Variants in SNRPN observed in about 807,000 individuals in gnomAD.
SNRPN encodes the protein small nuclear ribonucleoprotein polypeptide N, also known as small nuclear ribonucleoprotein-associated protein N.
In SNRPN, 7 loss-of-function variants were observed where a neutral mutation model predicts 25.2. That is an observed-to-expected ratio of 0.28 (90% confidence interval 0.16 to 0.52). The LOEUF is 0.52. Among genes scored for constraint, SNRPN ranks in the 20% least tolerant of loss-of-function variants. SNRPN has a pLI of 0.96. For synonymous variants in SNRPN, 124 were observed against 110.6 expected (o/e 1.12, Z -0.76); for missense variants, 196 against 322.5 (o/e 0.61, Z 3.00).
upstream of SNRPN, among the ~76,000 whole-genome samples, chr15:24,954,463 A>T (rs904429592): frequency 6.6e-6 from 1 of 152,202 alleles, no homozygotes; most frequent in Non-Finnish European, 1.5e-5. Context: ...CCCCCTCAAA[A>T]TGTAGAAAGT....
chr15:24,972,478 C>G (rs1383996911), intron 3 of SNRPN, among the ~76,000 whole-genome samples: 5 of 150,352 alleles, frequency 3.3e-5, no homozygotes, highest in African/African-American at 1.2e-4. Context: ...TTATTTAATA[C>G]ATTTTTTAAT....
chr15:24,924,506 C>A (rs2060253630), intron 3 of SNRPN, among the ~76,000 whole-genome samples: 2 of 152,038 alleles, frequency 1.3e-5, no homozygotes, highest in African/African-American at 4.8e-5. Context: ...TCAGAGAAAA[C>A]CTCTGCCTGT....
At chr15:24,953,114 G>A (rs1216075650), upstream of SNRPN, among the ~76,000 whole-genome samples, 2 of 152,124 alleles carry the variant, frequency 1.3e-5, no homozygotes, top group East Asian at 3.9e-4. Flanking sequence ...ATTGTATAAA[G>A]TAAACAGAAT....
At chr15:24,847,195 T>C (rs1052706446) in intron 2 of SNRPN, among the ~76,000 whole-genome samples, 1 of 152,088 alleles carries the variant, frequency 6.6e-6, no homozygotes, top group African/African-American at 2.4e-5. Context: ...CACTGTGGTT[T>C]GAGGAATGAG....
chr15:24,913,457 A>G (rs551575610), intron 2 of SNRPN, among the ~76,000 whole-genome samples: 1 of 152,238 alleles, frequency 6.6e-6, no homozygotes, highest in South Asian at 2.1e-4. Context: ...AGCCTGGCCA[A>G]CATGGTGAAA....
At chr15:24,862,746 C>A (rs1000793448) in intron 1 of SNRPN, among the ~76,000 whole-genome samples, 2 of 150,662 alleles carry the variant, frequency 1.3e-5, no homozygotes, top group African/African-American at 5.0e-5. Flanking sequence ...ATGGGATGGA[C>A]AAGGGGGGCC....
intron 2 of SNRPN, among the ~76,000 whole-genome samples, chr15:24,837,916 T>C (rs2051355734): frequency 6.6e-6 from 1 of 150,992 alleles, no homozygotes; most frequent in Non-Finnish European, 1.5e-5. Flanking sequence ...AGAGACAGGG[T>C]TTCACCATGT....
chr15:24,977,377 C>T (rs576294884), intron 7 of SNRPN, among the ~76,000 whole-genome samples: 21 of 152,100 alleles, frequency 1.4e-4, no homozygotes, highest in Non-Finnish European at 2.1e-4. Context: ...CAGTGGCTTA[C>T]GCCTGTAATC....
chr15:24,967,318 A>G (rs1459244881), intron 2 of SNRPN: 1 of 153,354 alleles, frequency 6.5e-6, no homozygotes, highest in Non-Finnish European at 1.4e-5. Context: ...AATTTCTCAT[A>G]AGATAGTGTC....
At chr15:24,834,728 C>CTCTCTCTCTCTCTCTCTCTCTCT (rs2050864758) in intron 2 of SNRPN, among the ~76,000 whole-genome samples, 3 of 42,806 alleles carry the variant, frequency 7.0e-5, no homozygotes, top group Non-Finnish European at 8.9e-5. Flanking sequence ...TCTCTCTCTC[C>CTCTCTCTCTCTCTCTCTCTCTCT]CTCTCTCTCT....
At chr15:24,880,447 T>A (rs1595659021) in intron 1 of SNRPN, among the ~76,000 whole-genome samples, 1 of 152,058 alleles carries the variant, frequency 6.6e-6, no homozygotes. Context: ...GATAAGTGAG[T>A]GGTAAAAATT....
intron 2 of SNRPN, among the ~76,000 whole-genome samples, chr15:24,834,115 G>A (rs949975145): frequency 3.3e-5 from 5 of 152,016 alleles, no homozygotes; most frequent in Admixed American, 2.6e-4. Flanking sequence ...TAGTAGAGAC[G>A]GGGTTTCACC....
In SNRPN at chr15:24,928,435, A is replaced by T. The variant is rs556359414; in HGVS notation, c.-391+8311A>T. The stretch of plus-strand genomic sequence containing the variant: ...GATCTGGACATTCACAGCAGCATGG[A>T]TGGAACTGGAGGACATTATGTTAAA... On this transcript the variant is annotated intron_variant, in intron 3 of 11. Transcript: ENST00000400097. Among the ~76,000 whole-genome samples, 151 of 152,236 alleles carry T rather than the reference A, an allele frequency of 9.9e-4. 1 individual carries two copies. The highest frequency in any genetic ancestry group is 6.9e-3 in the Middle Eastern group (2 of 290).
intron 2 of SNRPN, among the ~76,000 whole-genome samples, chr15:24,904,251 A>C (rs910266448): frequency 3.2e-4 from 49 of 152,188 alleles, no homozygotes; most frequent in Admixed American, 3.2e-3. Context: ...TTAATACCAC[A>C]TACTACAGTT....
chr15:24,922,684 T>C (rs2060099148), intron 3 of SNRPN, among the ~76,000 whole-genome samples: 1 of 152,136 alleles, frequency 6.6e-6, no homozygotes, highest in Non-Finnish European at 1.5e-5. Context: ...CCACTTGATA[T>C]TGCATTTTCT....
At chr15:24,955,603 TG>T (rs372025670) in intron 1 of SNRPN, among the ~76,000 whole-genome samples, 1,897 of 87,528 alleles carry the variant, frequency 0.022, 20 homozygotes, top group Non-Finnish European at 0.032. Flanking sequence ...GTGGGGCGAC[TG>T]GGGGGGGAAT....
intron 1 of SNRPN, chr15:24,958,904 A>C (rs2074318153): frequency 6.5e-6 from 1 of 153,408 alleles, no homozygotes; most frequent in Non-Finnish European, 1.5e-5. Flanking sequence ...TTTTTTGTAG[A>C]GAGGGGTCTC....
chr15:24,869,925 A>C (rs1415727378), intron 1 of SNRPN, among the ~76,000 whole-genome samples: 1 of 152,164 alleles, frequency 6.6e-6, no homozygotes, highest in East Asian at 1.9e-4. Context: ...CCATGATTTC[A>C]TACCATTTAT....
upstream of SNRPN, among the ~76,000 whole-genome samples, chr15:24,853,477 T>C (rs2053074912): frequency 6.6e-6 from 1 of 151,952 alleles, no homozygotes; most frequent in Non-Finnish European, 1.5e-5. Context: ...TGCTGCAAGC[T>C]CCGCCTCCCA....
Sources: gnomAD v4.1 joint callset for allele counts (sites outside exome capture counted in the v4.1 genomes callset) on GRCh38, gnomAD v4.1.1 for gene constraint, MANE v1.5 for transcripts, NCBI Gene and HGNC (gene_info 2026-07-23, HGNC 2026-07-21) for gene names.